Variants in LARS2 observed in about 807,000 individuals in gnomAD.
LARS2 encodes leucine--tRNA ligase, mitochondrial.
In LARS2, 81 loss-of-function variants were observed where a neutral mutation model predicts 116.6. The ratio of observed to expected loss-of-function variants is 0.69; its 90% CI spans 0.58 to 0.84. The LOEUF is 0.84. Among genes scored for constraint, LARS2 ranks in the 40% least tolerant of loss-of-function variants. The pLI, the probability that LARS2 is intolerant of heterozygous loss-of-function variation, is 0.00. For missense variants in LARS2, 968 were observed against 1,114.5 expected, an observed-to-expected ratio of 0.87 and a Z score of 1.87; for synonymous variants, 396 against 407.2, an observed-to-expected ratio of 0.97 and a Z score of 0.33.
At chr3:45,488,938 A>G (rs1238903058) in intron 12 of LARS2, 126 bp downstream of exon 12, 3 of 709,868 alleles carry the variant, frequency 4.2e-6, no homozygotes, top group Admixed American at 4.2e-5. Context: ...TTGTGGCCTC[A>G]TATCTATCAG....
chr3:45,400,470 A>C, intron 4 of LARS2, 97 bp downstream of exon 4: 1 of 1,212,886 alleles, frequency 8.2e-7, no homozygotes, highest in Non-Finnish European at 1.1e-6. Context: ...AACCAACTTT[A>C]GTTAAGATTA....
At chr3:45,493,030 G>A (rs1699950571) in intron 13 of LARS2, among the ~76,000 whole-genome samples, 1 of 152,134 alleles carries the variant, frequency 6.6e-6, no homozygotes. Flanking sequence ...ATGAGGATAA[G>A]GTTTCCTGCT....
Position 45,491,694 on chromosome 3 carries a change from C to T in LARS2, c.1417C>T (p.Pro473Ser), listed in dbSNP as rs1034883849. ...HCPVCGPTPV[P>S]LEDLPVTLPN... Reference sequence around the variant, plus strand: ...CCCAGTCTGTGGCCCCACACCTGTGCCCCTGGAGGACTTGCCTGTGACCCT... The same window carrying T: ...CCCAGTCTGTGGCCCCACACCTGTGTCCCTGGAGGACTTGCCTGTGACCCT... Residue 473 changes from proline (P) to serine (S), a missense_variant, in exon 13 of 22, where the codon CCC becomes TCC. Pro to Ser is a moderately conservative substitution (Grantham distance 74, BLOSUM62 -1). Coordinates refer to ENST00000645846, the MANE Select transcript of LARS2 (RefSeq NM_015340.4). The T allele has an allele frequency of 5.0e-6, 8 of 1,614,056 alleles. No homozygotes were observed. Among genetic ancestry groups the T allele is most frequent in the Middle Eastern group, 1.6e-4 (1 of 6,084 alleles).
At chr3:45,536,937 A>C (rs1294994792) in intron 20 of LARS2, among the ~76,000 whole-genome samples, 1 of 152,116 alleles carries the variant, frequency 6.6e-6, no homozygotes, top group Non-Finnish European at 1.5e-5. Context: ...CTGTATCAAC[A>C]CTATTCCATT....
At chr3:45,432,210 T>C (rs185516550) in intron 6 of LARS2, among the ~76,000 whole-genome samples, 3 of 152,252 alleles carry the variant, frequency 2.0e-5, no homozygotes, top group East Asian at 1.9e-4. Context: ...ACAGTAATAG[T>C]TGGAGACTTT....
chr3:45,410,299 C>T (rs1332989505), intron 4 of LARS2, among the ~76,000 whole-genome samples: 2 of 132,696 alleles, frequency 1.5e-5, no homozygotes, highest in African/African-American at 6.1e-5. Flanking sequence ...ATATCCCCAG[C>T]ATTGGATTCT....
intron 4 of LARS2, 118 bp from the exon 5 acceptor site, chr3:45,417,364 A>G: frequency 1.3e-6 from 1 of 772,360 alleles, no homozygotes. Context: ...TAACCTGAAA[A>G]CATCCAGCAA....
chr3:45,453,331 A>C (rs1052369784), intron 7 of LARS2, among the ~76,000 whole-genome samples: 1 of 152,070 alleles, frequency 6.6e-6, no homozygotes. Context: ...GTTGATTATC[A>C]GTCTTGTGCT....
chr3:45,510,098 T>G (rs1476196479), intron 15 of LARS2, among the ~76,000 whole-genome samples: 1 of 152,016 alleles, frequency 6.6e-6, no homozygotes, highest in East Asian at 1.9e-4. Flanking sequence ...TGTTAGGAAC[T>G]GGAGACTGAG....
chr3:45,508,815 T>C (rs1700236299), intron 15 of LARS2, among the ~76,000 whole-genome samples: 1 of 151,912 alleles, frequency 6.6e-6, no homozygotes, highest in South Asian at 2.1e-4. Context: ...TTGTTTATCC[T>C]AATAATTAGC....
intron 2 of LARS2, among the ~76,000 whole-genome samples, chr3:45,392,396 G>A (rs527911314): frequency 6.6e-6 from 1 of 150,688 alleles, no homozygotes; most frequent in South Asian, 2.1e-4. Context: ...CCAGGTTCAA[G>A]TTATTCCTCT....
chr3:45,394,042 G>A (rs374331589), intron 2 of LARS2, among the ~76,000 whole-genome samples: 130 of 152,304 alleles, frequency 8.5e-4, no homozygotes, highest in African/African-American at 2.9e-3. Context: ...CGCCAACTCA[G>A]CATGTGCTTG....
At chr3:45,441,507 A>G (rs1219957785) in intron 6 of LARS2, among the ~76,000 whole-genome samples, 2 of 152,038 alleles carry the variant, frequency 1.3e-5, no homozygotes, top group African/African-American at 4.8e-5. Flanking sequence ...GAGGACTTGA[A>G]CCCAAGTCAG....
chr3:45,527,237 A>G (rs1237266693), intron 20 of LARS2, among the ~76,000 whole-genome samples: 2 of 152,178 alleles, frequency 1.3e-5, no homozygotes, highest in Non-Finnish European at 2.9e-5. Context: ...GGGCTTTGGT[A>G]GAATAATTTG....
intron 11 of LARS2, 30 bp downstream of exon 11, chr3:45,485,826 G>A (rs778191207): frequency 5.0e-5 from 69 of 1,386,600 alleles, no homozygotes; most frequent in Non-Finnish European, 6.0e-5. Flanking sequence ...TAACCACAAC[G>A]GTATATTTTG....
At chr3:45,447,116 C>CT in intron 7 of LARS2, 136 bp downstream of exon 7, 1 of 560,792 alleles carries the variant, frequency 1.8e-6, no homozygotes, top group East Asian at 3.1e-5. Flanking sequence ...CTACTTCCTA[C>CT]TTAAGTTTAG....
Position 45,415,876 on chromosome 3 carries a change from TAGAGAGAGAGAGAGAGGGAGAGAG to T in LARS2, c.364-1589_364-1566del, listed in dbSNP as rs1337644710. 2.8e-3 allele frequency among the ~76,000 whole-genome samples: 192 copies of T among 69,000 alleles called. 1 individual carries two copies. Among genetic ancestry groups the T allele is most frequent in the African/African-American group, 7.4e-3 (185 of 25,110 alleles). 45.3% of individuals were successfully genotyped at this position (69,000 alleles called of 152,430 possible). A position where few individuals can be genotyped will look rare whatever the true frequency, so the allele number is the denominator to read the frequency against. ...AAAAAAAAAAATATATATATATATA[TAGAGAGAGAGAGAGAGGGAGAGAG>T]AGAGAGAGAGAGAGAGAGAGAGAGG... is the stretch of plus-strand genomic sequence containing the variant. On this transcript the variant is annotated intron_variant, in intron 4 of 21. Transcript: ENST00000645846.
chr3:45,485,309 C>A (rs1203128938), intron 10 of LARS2, among the ~76,000 whole-genome samples: 1 of 152,194 alleles, frequency 6.6e-6, no homozygotes, highest in Non-Finnish European at 1.5e-5. Flanking sequence ...CTTCCATCTT[C>A]AAGTGTTATG....
intron 6 of LARS2, among the ~76,000 whole-genome samples, chr3:45,423,972 G>T (rs12152457): frequency 5.4e-4 from 82 of 152,134 alleles, no homozygotes; most frequent in Non-Finnish European, 8.5e-4. Flanking sequence ...GCAGGAAGTT[G>T]CCAGGATAGT....
Sources: gnomAD v4.1 joint callset for allele counts (sites outside exome capture counted in the v4.1 genomes callset) on GRCh38, gnomAD v4.1.1 for gene constraint, MANE v1.5 for transcripts, NCBI Gene and HGNC (gene_info 2026-07-23, HGNC 2026-07-21) for gene names.